Variants in LRMDA observed in about 807,000 individuals in gnomAD.
LRMDA encodes the protein leucine rich melanocyte differentiation associated, also known as leucine-rich melanocyte differentiation-associated protein.
Under a neutral mutation model 29.8 loss-of-function variants are expected in LRMDA, and 18 were observed. The observed-to-expected ratio is 0.60, with a 90% confidence interval of 0.42 to 0.90. The LOEUF (loss-of-function observed/expected upper bound fraction) is 0.90. Ranked by LOEUF, LRMDA falls within the 40% of genes least tolerant of loss-of-function variation. The pLI, the probability that LRMDA is intolerant of heterozygous loss-of-function variation, is 0.00. For missense variants in LRMDA, 273 were observed against 273.9 expected (o/e 1.00, Z 0.02); for synonymous variants, 125 against 109.4 (o/e 1.14, Z -0.89).
At chr10:76,538,464 A>G (rs1485311603) in intron 6 of LRMDA, among the ~76,000 whole-genome samples, 1 of 143,632 alleles carries the variant, frequency 7.0e-6, no homozygotes, top group Non-Finnish European at 1.5e-5. Context: ...ATATATGTAT[A>G]TATATATGTA....
chr10:76,083,701 G>T (rs771045894), intron 5 of LRMDA, among the ~76,000 whole-genome samples: 4 of 152,142 alleles, frequency 2.6e-5, no homozygotes, highest in Admixed American at 2.6e-4. Context: ...AGATGTGGTG[G>T]CGTGAGCCTG....
At chr10:75,927,423 G>A (rs547458760) in intron 2 of LRMDA, among the ~76,000 whole-genome samples, 5 of 152,250 alleles carry the variant, frequency 3.3e-5, no homozygotes, top group Admixed American at 2.0e-4. Context: ...GCTAGAGAGA[G>A]CTTCTATCAA....
chr10:76,510,223 A>G (rs562037045), intron 6 of LRMDA, among the ~76,000 whole-genome samples: 1 of 152,120 alleles, frequency 6.6e-6, no homozygotes, highest in South Asian at 2.1e-4. Flanking sequence ...AGCGTGTGCC[A>G]CCACGCTTGG....
intron 2 of LRMDA, among the ~76,000 whole-genome samples, chr10:76,006,853 G>A (rs192158720): frequency 6.6e-6 from 1 of 152,258 alleles, no homozygotes; most frequent in East Asian, 1.9e-4. Context: ...AGTAAGATGA[G>A]CCCCACATTT....
chr10:76,517,764 G>GT (rs1843076136), intron 6 of LRMDA, among the ~76,000 whole-genome samples: 3 of 151,848 alleles, frequency 2.0e-5, no homozygotes, highest in Admixed American at 2.0e-4. Flanking sequence ...ACTGTCAAAT[G>GT]TAACATCTAA....
chr10:75,816,412 G>A (rs924611265), intron 2 of LRMDA, among the ~76,000 whole-genome samples: 2 of 152,152 alleles, frequency 1.3e-5, no homozygotes, highest in African/African-American at 4.8e-5. Flanking sequence ...CGAGCATCCT[G>A]TGGGAGTTCC....
chr10:75,457,177 T>TG (rs1048547334), intron 2 of LRMDA, among the ~76,000 whole-genome samples: 16 of 152,200 alleles, frequency 1.1e-4, no homozygotes, highest in African/African-American at 3.9e-4. Flanking sequence ...AGCTGGTCAG[T>TG]GGGGGGACCA....
At position 75,987,510 on chromosome 10, in the gene LRMDA, G is replaced by T. The variant is rs370949665; in HGVS notation, c.132-48498G>T. Among the ~76,000 whole-genome samples the T allele has an allele frequency of 8.5e-5, 13 of 152,352 alleles. No individual in the cohort carries two copies. The East Asian group carries it at 2.5e-3, about 29-fold the overall frequency. On this transcript the variant is annotated intron_variant, in intron 2 of 6. Coordinates refer to ENST00000611255, the MANE Select transcript of LRMDA (RefSeq NM_001305581.2). ...TAGTGTAAACCACCAGTTTAAAGCA[G>T]AGTGATATAGAAGTGTAGCAATAGT...
intron 5 of LRMDA, among the ~76,000 whole-genome samples, chr10:76,202,744 G>A (rs991104855): frequency 4.6e-5 from 7 of 151,788 alleles, no homozygotes; most frequent in African/African-American, 1.7e-4. Flanking sequence ...TCATGGAAGG[G>A]GAACTTGATG....
chr10:76,058,396 C>A (rs1848649490), intron 4 of LRMDA, among the ~76,000 whole-genome samples: 1 of 152,180 alleles, frequency 6.6e-6, no homozygotes, highest in Non-Finnish European at 1.5e-5. Context: ...CACTGGCTAA[C>A]CCACGTGTGT....
chr10:76,045,841 T>A (rs1055488529), intron 3 of LRMDA, among the ~76,000 whole-genome samples: 8 of 152,144 alleles, frequency 5.3e-5, no homozygotes, highest in African/African-American at 1.9e-4. Flanking sequence ...GCAAATATTT[T>A]AGGGACCCAA....
chr10:76,290,411 CTTTTTTTTTTTTTTTTT>C (rs11321369), intron 5 of LRMDA, among the ~76,000 whole-genome samples: 1 of 76,734 alleles, frequency 1.3e-5, no homozygotes, highest in Non-Finnish European at 2.3e-5. Context: ...TTTATTTTCT[CTTTTTTTTTTTTTTTTT>C]TTTTTTTTGA....
chr10:75,666,238 A>G (rs1415395410), intron 2 of LRMDA, among the ~76,000 whole-genome samples: 2 of 152,164 alleles, frequency 1.3e-5, no homozygotes, highest in Non-Finnish European at 2.9e-5. Context: ...GAATTGCAGT[A>G]TGTTTATATG....
At chr10:76,322,566 C>T (rs993843478) in intron 5 of LRMDA, among the ~76,000 whole-genome samples, 8 of 152,176 alleles carry the variant, frequency 5.3e-5, no homozygotes, top group Non-Finnish European at 1.0e-4. Context: ...CTCTTTTACG[C>T]TTGGTTACAG....
At chr10:75,565,751 A>T (rs930857694) in intron 2 of LRMDA, among the ~76,000 whole-genome samples, 2 of 152,070 alleles carry the variant, frequency 1.3e-5, no homozygotes, top group Non-Finnish European at 2.9e-5. Flanking sequence ...TTAGTTTTAA[A>T]CTCTAAATCA....
At chr10:76,136,696 T>C (rs912226912) in intron 5 of LRMDA, among the ~76,000 whole-genome samples, 4 of 152,214 alleles carry the variant, frequency 2.6e-5, no homozygotes, top group Non-Finnish European at 4.4e-5. Flanking sequence ...TTAAGATGTT[T>C]ATTTGTATAA....
chr10:76,059,183 G>A (rs1848665200), intron 5 of LRMDA, among the ~76,000 whole-genome samples: 1 of 152,082 alleles, frequency 6.6e-6, no homozygotes, highest in African/African-American at 2.4e-5. Context: ...CCAAAGGGAA[G>A]CTAGGGAAGA....
intron 2 of LRMDA, among the ~76,000 whole-genome samples, chr10:75,673,373 G>T (rs1841923959): frequency 6.6e-6 from 1 of 152,174 alleles, no homozygotes; most frequent in South Asian, 2.1e-4. Flanking sequence ...GTCACCTGAA[G>T]GTTTAATACC....
chr10:75,593,503 T>C (rs1170317998), intron 2 of LRMDA, among the ~76,000 whole-genome samples: 5 of 152,254 alleles, frequency 3.3e-5, no homozygotes, highest in African/African-American at 4.8e-5. Context: ...CTTTCTGTAA[T>C]TTATGGATGC....
Sources: allele counts gnomAD v4.1 joint callset (sites outside exome capture counted in the v4.1 genomes callset), GRCh38; gene constraint gnomAD v4.1.1; transcripts MANE v1.5; gene names NCBI Gene and HGNC (gene_info 2026-07-23, HGNC 2026-07-21).